Variants in C14orf132 observed in about 807,000 individuals in gnomAD.
C14orf132 encodes chromosome 14 open reading frame 132, also known as uncharacterized protein C14orf132.
C14orf132 carries 6 observed loss-of-function variants against 5.8 expected under a neutral mutation model. The observed-to-expected ratio is 1.03, with a 90% CI of 0.57 to 2.04. C14orf132 has a LOEUF of 2.04. C14orf132 is among the 30% of genes most tolerant of loss of function. The probability of loss-of-function intolerance (pLI) is 0.00; values close to 1 mark genes in which losing one functional copy is unlikely to be tolerated. For synonymous variants in C14orf132, 51 were observed against 49.8 expected (o/e 1.02, Z -0.10); for missense variants, 125 against 115.8 (o/e 1.08, Z -0.37).
chr14:96,075,075 ATCT>A (rs1887825125), intron 1 of C14orf132, among the ~76,000 whole-genome samples: 1 of 152,032 alleles, frequency 6.6e-6, no homozygotes, highest in Non-Finnish European at 1.5e-5. Flanking sequence ...ATTTATTTAG[ATCT>A]TCTTTGCTAT....
At chr14:96,076,694 A>C (rs10130701) in intron 1 of C14orf132, among the ~76,000 whole-genome samples, 83,500 of 151,882 alleles carry the variant, frequency 0.55, 23,510 homozygotes, top group East Asian at 0.9. Flanking sequence ...CTGTCCTGGG[A>C]TGCATGCAGC....
chr14:96,067,698 TAA>T (rs751845099), intron 1 of C14orf132, among the ~76,000 whole-genome samples: 19 of 135,952 alleles, frequency 1.4e-4, no homozygotes, highest in East Asian at 2.1e-4. Context: ...AAACTCCGCC[TAA>T]AAAAAAAAAA....
Position 96,092,304 on chromosome 14 carries a change from T to C in C14orf132, c.*5569T>C, listed in dbSNP as rs1382218403. ...GCCCGGATGGCTCCATCCAGACATT[T>C]GGCAAGGCTGTCATCTGCTCTTGGG... On this transcript the variant is annotated 3_prime_UTR_variant, in exon 2 of 2. Coordinates refer to ENST00000555004, the MANE Select transcript of C14orf132 (RefSeq NM_001252507.3). The C allele has an allele frequency of 6.6e-6, 1 of 152,186 alleles. No individual in the cohort carries two copies. The highest frequency in any genetic ancestry group is 2.4e-5 in the African/African-American group (1 of 41,444). 9.4% of individuals were successfully genotyped at this position (152,186 alleles called of 1,614,324 possible). A position where few individuals can be genotyped will look rare whatever the true frequency, so the allele number is the denominator to read the frequency against.
chr14:96,049,660 A>AGG, intron 1 of C14orf132, among the ~76,000 whole-genome samples: 1 of 135,018 alleles, frequency 7.4e-6, no homozygotes, highest in Admixed American at 7.6e-5. Context: ...ATATAGAGAG[A>AGG]GAGAGAGAGA....
At chr14:96,071,891 A>C (rs1376599022) in intron 1 of C14orf132, among the ~76,000 whole-genome samples, 13 of 152,230 alleles carry the variant, frequency 8.5e-5, no homozygotes, top group Admixed American at 8.5e-4. Flanking sequence ...CTTTTGCTGA[A>C]ATCAATCAGC....
chr14:96,055,138 C>T (rs546540604), intron 1 of C14orf132, among the ~76,000 whole-genome samples: 8 of 152,276 alleles, frequency 5.3e-5, no homozygotes, highest in South Asian at 2.1e-4. Context: ...TTACTCACAC[C>T]GCAGCAAGCG....
chr14:96,086,045 C>T (rs1047188189), intron 1 of C14orf132, among the ~76,000 whole-genome samples: 1 of 151,908 alleles, frequency 6.6e-6, no homozygotes, highest in Non-Finnish European at 1.5e-5. Context: ...GAAAAACCAT[C>T]AAAATGTTAG....
intron 1 of C14orf132, among the ~76,000 whole-genome samples, chr14:96,045,555 C>T (rs1275303942): frequency 6.6e-6 from 1 of 152,204 alleles, no homozygotes; most frequent in Non-Finnish European, 1.5e-5. Flanking sequence ...CTTGGCCAGC[C>T]TGGCCTGGAT....
chr14:96,079,071 G>T (rs1176439196), intron 1 of C14orf132, among the ~76,000 whole-genome samples: 1 of 152,162 alleles, frequency 6.6e-6, no homozygotes, highest in Non-Finnish European at 1.5e-5. Flanking sequence ...AAAATCAAAA[G>T]AGACCCCACT....
intron 1 of C14orf132, among the ~76,000 whole-genome samples, chr14:96,066,287 G>A (rs574802528): frequency 4.6e-5 from 7 of 152,278 alleles, no homozygotes; most frequent in Admixed American, 2.6e-4. Flanking sequence ...TTCTGTCCCC[G>A]CAGGGCAAGT....
chr14:96,042,094 A>T (rs1480478471), intron 1 of C14orf132, among the ~76,000 whole-genome samples: 1 of 152,252 alleles, frequency 6.6e-6, no homozygotes, highest in Non-Finnish European at 1.5e-5. Flanking sequence ...AGCTGTCATC[A>T]TCAGGACTTT....
intron 1 of C14orf132, among the ~76,000 whole-genome samples, chr14:96,064,553 T>A (rs999244437): frequency 2.6e-5 from 4 of 151,946 alleles, no homozygotes; most frequent in African/African-American, 9.7e-5. Context: ...GAGACTCTTA[T>A]TCTAAGTGAA....
At chr14:96,083,607 C>T (rs1432654411) in intron 1 of C14orf132, among the ~76,000 whole-genome samples, 12 of 152,122 alleles carry the variant, frequency 7.9e-5, no homozygotes, top group Non-Finnish European at 1.8e-4. Context: ...GAGGAAGGGG[C>T]CATGAGCCCA....
intron 1 of C14orf132, among the ~76,000 whole-genome samples, chr14:96,069,975 A>G (rs28616203): frequency 0.03 from 4,580 of 152,286 alleles, 224 homozygotes; most frequent in African/African-American, 0.1. Context: ...CCCGTGGAGG[A>G]AATTCACAGA....
At position 96,087,882 on chromosome 14, in the gene C14orf132, T is replaced by TA. The variant is rs1445321786; in HGVS notation, c.*1152dup. On this transcript the variant is annotated 3_prime_UTR_variant, in exon 2 of 2. Coordinates refer to ENST00000555004, the MANE Select transcript of C14orf132 (RefSeq NM_001252507.3). ...CCTGGCAAGCAAGGAAGCTTCCAAG[T>TA]AAAAACCAGAGAGAAGGGCACACTT... The TA allele has an allele frequency of 6.6e-6, 1 of 152,098 alleles. No homozygotes were observed. The highest frequency in any genetic ancestry group is 6.5e-5 in the Admixed American group (1 of 15,272). The allele number at this position is 152,098 out of a possible 1,614,324, so 9.4% of individuals were successfully genotyped here. A position where few individuals can be genotyped will look rare whatever the true frequency, so the allele number is the denominator to read the frequency against.
At chr14:96,046,420 C>A (rs1459184594) in intron 1 of C14orf132, among the ~76,000 whole-genome samples, 1 of 151,942 alleles carries the variant, frequency 6.6e-6, no homozygotes, top group Non-Finnish European at 1.5e-5. Flanking sequence ...TACTGCCAAG[C>A]CCAGTAGAAA....
intron 1 of C14orf132, among the ~76,000 whole-genome samples, chr14:96,040,988 G>A (rs1464548623): frequency 6.6e-6 from 1 of 152,200 alleles, no homozygotes; most frequent in African/African-American, 2.4e-5. Context: ...GAGCTGGCTG[G>A]AGCATCAGTT....
At chr14:96,045,610 C>G (rs1184911645) in intron 1 of C14orf132, among the ~76,000 whole-genome samples, 1 of 152,226 alleles carries the variant, frequency 6.6e-6, no homozygotes, top group Non-Finnish European at 1.5e-5. Context: ...TGCAGAAACA[C>G]AGGCCTGGGG....
Position 96,092,661 on chromosome 14 carries a change from T to C in C14orf132, c.*5926T>C, listed in dbSNP as rs192029494. ...TGGCAGAAGGGAGCTTCCAACCTTT[T>C]AACTTGAGGAAAATGAATCTCTGAG... On this transcript the variant is annotated 3_prime_UTR_variant, in exon 2 of 2. Coordinates refer to ENST00000555004, the MANE Select transcript of C14orf132 (RefSeq NM_001252507.3). The C allele has an allele frequency of 6.6e-6, 1 of 152,300 alleles. No individual in the cohort carries two copies. Among genetic ancestry groups the C allele is most frequent in the East Asian group, 1.9e-4 (1 of 5,188 alleles). 9.4% of individuals were successfully genotyped at this position (152,300 alleles called of 1,614,324 possible).
Sources: allele counts gnomAD v4.1 joint callset (sites outside exome capture counted in the v4.1 genomes callset), GRCh38; gene constraint gnomAD v4.1.1; transcripts MANE v1.5; gene names NCBI Gene and HGNC (gene_info 2026-07-23, HGNC 2026-07-21).